Variants in MMP16 observed in about 807,000 individuals in gnomAD.
The protein encoded by MMP16 is matrix metalloproteinase-16.
A neutral mutation model predicts 67.8 loss-of-function variants in MMP16; 12 were observed. The observed-to-expected ratio is 0.18, with a 90% confidence interval of 0.11 to 0.29. MMP16 has a LOEUF of 0.29. MMP16 is among the 10% of genes least tolerant of loss of function. The probability of loss-of-function intolerance (pLI) is 1.00; values close to 1 mark genes in which losing one functional copy is unlikely to be tolerated. For synonymous variants in MMP16, 249 were observed against 255.9 expected, an observed-to-expected ratio of 0.97 and a Z score of 0.26; for missense variants, 475 against 765.7, an observed-to-expected ratio of 0.62 and a Z score of 4.48.
intron 1 of MMP16, among the ~76,000 whole-genome samples, chr8:88,292,302 G>A (rs1810937881): frequency 6.6e-6 from 1 of 152,060 alleles, no homozygotes; most frequent in African/African-American, 2.4e-5. Flanking sequence ...AATCAATTGT[G>A]GGATTATGGA....
chr8:88,323,582 TTA>T (rs1422115398), intron 1 of MMP16, among the ~76,000 whole-genome samples: 2 of 152,278 alleles, frequency 1.3e-5, no homozygotes, highest in East Asian at 1.9e-4. Context: ...ATTTAGAATT[TTA>T]TATGTTTTTA....
chr8:88,326,994 A>G (rs1307940176), intron 1 of MMP16, 81 bp downstream of exon 1: 1 of 1,566,694 alleles, frequency 6.4e-7, no homozygotes, highest in Non-Finnish European at 8.7e-7. Context: ...GCTCTGAGCT[A>G]CAAGGATCCC....
chr8:88,155,085 A>G (rs1184301169), intron 4 of MMP16, among the ~76,000 whole-genome samples: 2 of 152,068 alleles, frequency 1.3e-5, no homozygotes, highest in Non-Finnish European at 2.9e-5. Flanking sequence ...ATAATATCAG[A>G]CTTCTGTGTT....
intron 2 of MMP16, among the ~76,000 whole-genome samples, chr8:88,186,821 A>C (rs1049032544): frequency 6.6e-6 from 1 of 152,188 alleles, no homozygotes; most frequent in Non-Finnish European, 1.5e-5. Context: ...CTAGTTTACT[A>C]TTCAGATCCT....
chr8:88,311,061 T>C (rs2130066128), intron 1 of MMP16, among the ~76,000 whole-genome samples: 1 of 152,304 alleles, frequency 6.6e-6, no homozygotes, highest in East Asian at 1.9e-4. Flanking sequence ...ATTATAATTA[T>C]ATTGGATACT....
intron 4 of MMP16, among the ~76,000 whole-genome samples, chr8:88,147,353 C>G (rs979910548): frequency 1.3e-5 from 2 of 151,994 alleles, no homozygotes; most frequent in Admixed American, 1.3e-4. Flanking sequence ...TTATGGTTTA[C>G]ATGCTATTAT....
intron 4 of MMP16, among the ~76,000 whole-genome samples, chr8:88,155,556 C>T (rs1172809446): frequency 6.6e-6 from 1 of 152,070 alleles, no homozygotes. Context: ...ATGTATTTTG[C>T]TTTAATTTTC....
intron 1 of MMP16, among the ~76,000 whole-genome samples, chr8:88,283,510 C>A (rs28986509): frequency 0.026 from 4,028 of 152,246 alleles, 88 homozygotes; most frequent in Non-Finnish European, 0.038. Flanking sequence ...GTGGTTAGCA[C>A]TTTACAGAAA....
chr8:88,253,298 C>T (rs1236149276), intron 1 of MMP16, among the ~76,000 whole-genome samples: 2 of 152,092 alleles, frequency 1.3e-5, no homozygotes, highest in African/African-American at 4.8e-5. Flanking sequence ...ACTCCCTATT[C>T]CTTAAGTGTG....
chr8:88,099,139 C>A (rs143793022), intron 6 of MMP16, among the ~76,000 whole-genome samples: 3 of 151,096 alleles, frequency 2.0e-5, no homozygotes, highest in Non-Finnish European at 4.4e-5. Context: ...ATTCTATGTA[C>A]GTTCTAAAAA....
chr8:88,315,236 C>A (rs1257245685), intron 1 of MMP16, among the ~76,000 whole-genome samples: 2 of 152,072 alleles, frequency 1.3e-5, no homozygotes, highest in African/African-American at 2.4e-5. Flanking sequence ...CCATTTTTTC[C>A]CAGAGCATGT....
At chr8:88,123,551 G>A (rs1401341045) in intron 4 of MMP16, among the ~76,000 whole-genome samples, 1 of 151,406 alleles carries the variant, frequency 6.6e-6, no homozygotes, top group African/African-American at 2.4e-5. Context: ...CTGACAGACG[G>A]GTCTGAAAAA....
intron 4 of MMP16, among the ~76,000 whole-genome samples, chr8:88,142,644 T>C (rs561068533): frequency 2.0e-4 from 31 of 152,290 alleles, no homozygotes; most frequent in African/African-American, 7.5e-4. Context: ...ATGGGTTTAA[T>C]GATAAATCAA....
intron 1 of MMP16, among the ~76,000 whole-genome samples, chr8:88,229,629 A>T (rs1809827395): frequency 6.6e-6 from 1 of 152,098 alleles, no homozygotes; most frequent in Non-Finnish European, 1.5e-5. Context: ...AATGCATTAG[A>T]TTTAAAAATC....
intron 8 of MMP16, among the ~76,000 whole-genome samples, chr8:88,049,775 G>A (rs1253550639): frequency 1.3e-5 from 2 of 152,070 alleles, no homozygotes; most frequent in African/African-American, 4.8e-5. Flanking sequence ...TGTAATCCCA[G>A]CACTTTGGGA....
intron 9 of MMP16, among the ~76,000 whole-genome samples, chr8:88,045,327 T>C (rs528181467): frequency 6.6e-6 from 1 of 152,042 alleles, no homozygotes; most frequent in African/African-American, 2.4e-5. Flanking sequence ...TATACTAGTA[T>C]AGAGTTTTCT....
chr8:88,263,171 C>A (rs142706300), intron 1 of MMP16, among the ~76,000 whole-genome samples: 1 of 151,946 alleles, frequency 6.6e-6, no homozygotes, highest in Non-Finnish European at 1.5e-5. Flanking sequence ...TTGCTCTGTG[C>A]ATTATAATAA....
At chr8:88,323,835 TTTAGGAACAAAATG>T in intron 1 of MMP16, among the ~76,000 whole-genome samples, 1 of 151,938 alleles carries the variant, frequency 6.6e-6, no homozygotes, top group East Asian at 1.9e-4. Context: ...AGATAGCTAT[TTTAGGAACAAAATG>T]ATTTTTAAGA....
chr8:88,137,447 GT>G (rs1808140111), intron 4 of MMP16, among the ~76,000 whole-genome samples: 1 of 151,908 alleles, frequency 6.6e-6, no homozygotes, highest in African/African-American at 2.4e-5. Flanking sequence ...GAGAAGTCAG[GT>G]GCCAATTTTA....
Sources: gnomAD v4.1 joint callset for allele counts (sites outside exome capture counted in the v4.1 genomes callset) on GRCh38, gnomAD v4.1.1 for gene constraint, MANE v1.5 for transcripts, NCBI Gene and HGNC (gene_info 2026-07-23, HGNC 2026-07-21) for gene names.